NRXN3: variants seen among roughly 807,000 people sequenced by gnomAD.
NRXN3 encodes the protein neurexin 3, also known as neurexin III.
In NRXN3, 32 loss-of-function variants were observed where a neutral mutation model predicts 137.6. That is an observed-to-expected ratio of 0.23 (90% CI 0.18 to 0.31). The LOEUF is 0.31. NRXN3 is among the 10% of genes least tolerant of loss of function. NRXN3 has a pLI of 1.00. For synonymous variants in NRXN3, 798 were observed against 784.5 expected, an observed-to-expected ratio of 1.02 and a Z score of -0.29; for missense variants, 1,574 against 2,062.5, an observed-to-expected ratio of 0.76 and a Z score of 4.59.
At chr14:79,476,964 T>C (rs1600860427) in intron 16 of NRXN3, among the ~76,000 whole-genome samples, 1 of 152,242 alleles carries the variant, frequency 6.6e-6, no homozygotes, top group Admixed American at 6.6e-5. Flanking sequence ...TTCATACTTA[T>C]GAAACAGCAA....
intron 19 of NRXN3, among the ~76,000 whole-genome samples, chr14:79,711,013 A>G (rs1212529977): frequency 6.6e-6 from 1 of 152,238 alleles, no homozygotes; most frequent in South Asian, 2.1e-4. Flanking sequence ...GCAGCCATCT[A>G]TATTTACAGA....
At chr14:78,959,798 A>G (rs2099404526) in intron 11 of NRXN3, among the ~76,000 whole-genome samples, 1 of 152,138 alleles carries the variant, frequency 6.6e-6, no homozygotes, top group African/African-American at 2.4e-5. Context: ...CCTGCAAAGG[A>G]TAAGTCACAC....
intron 4 of NRXN3, among the ~76,000 whole-genome samples, chr14:78,594,061 G>A (rs1489831256): frequency 6.6e-6 from 1 of 152,136 alleles, no homozygotes; most frequent in East Asian, 1.9e-4. Flanking sequence ...CGCAACAAGC[G>A]GCATGTTCCA....
chr14:79,798,262 A>G (rs1445539768), intron 19 of NRXN3, among the ~76,000 whole-genome samples: 3 of 152,208 alleles, frequency 2.0e-5, no homozygotes, highest in Non-Finnish European at 4.4e-5. Context: ...GTTTACTTAG[A>G]GTCAATAGGT....
chr14:78,289,065 C>T (rs1287896350), intron 3 of NRXN3, among the ~76,000 whole-genome samples: 1 of 152,148 alleles, frequency 6.6e-6, no homozygotes, highest in Non-Finnish European at 1.5e-5. Context: ...CTGGGCAACC[C>T]CTATCTTGGA....
At chr14:78,996,293 C>T (rs569447943) in intron 15 of NRXN3, among the ~76,000 whole-genome samples, 1 of 152,236 alleles carries the variant, frequency 6.6e-6, no homozygotes, top group Non-Finnish European at 1.5e-5. Context: ...TATTGTGATA[C>T]CAGTTTCATA....
chr14:79,218,836 G>C lies in NRXN3; in HGVS notation c.3262+230695G>C, dbSNP rs2068996540. Among the ~76,000 whole-genome samples, 3 of 152,090 alleles carry C rather than the reference G, an allele frequency of 2.0e-5. No individual in the cohort carries two copies. The South Asian group carries it at 6.2e-4, about 31-fold the overall frequency. On this transcript the variant is annotated intron_variant, in intron 15 of 20. Coordinates refer to ENST00000335750, the MANE Select transcript of NRXN3 (RefSeq NM_001330195.2). Reference sequence around the variant, plus strand: ...GACTGATTAGGTAAGCCAGGAAGAGGAGTTGGGATTTATTATAAATCTCAT... The same window carrying C: ...GACTGATTAGGTAAGCCAGGAAGAGCAGTTGGGATTTATTATAAATCTCAT...
At chr14:78,917,812 A>G (rs1311972126) in intron 10 of NRXN3, among the ~76,000 whole-genome samples, 1 of 152,182 alleles carries the variant, frequency 6.6e-6, no homozygotes, top group Admixed American at 6.5e-5. Flanking sequence ...GTGAAAACAC[A>G]GATTTGAGGG....
intron 4 of NRXN3, among the ~76,000 whole-genome samples, chr14:78,568,040 G>A (rs562764399): frequency 1.3e-5 from 2 of 152,308 alleles, no homozygotes; most frequent in Non-Finnish European, 2.9e-5. Context: ...CATGGACAGA[G>A]GTTCTGAGGT....
At chr14:78,202,791 G>A (rs2061800736) in intron 1 of NRXN3, among the ~76,000 whole-genome samples, 1 of 152,172 alleles carries the variant, frequency 6.6e-6, no homozygotes, top group Admixed American at 6.5e-5. Context: ...ACCAATTTCC[G>A]AGTACTGTGT....
chr14:79,405,967 T>C (rs1428962806), intron 15 of NRXN3, among the ~76,000 whole-genome samples: 1 of 152,188 alleles, frequency 6.6e-6, no homozygotes, highest in Non-Finnish European at 1.5e-5. Context: ...ATTTAATGAA[T>C]ACCTTCTACA....
chr14:78,779,588 G>A (rs2098761307), intron 8 of NRXN3, among the ~76,000 whole-genome samples: 1 of 152,030 alleles, frequency 6.6e-6, no homozygotes, highest in Non-Finnish European at 1.5e-5. Context: ...TTTATTGGCA[G>A]ACTATTAGAA....
At chr14:78,649,563 CTTT>C (rs11366920) in intron 5 of NRXN3, among the ~76,000 whole-genome samples, 43 of 125,130 alleles carry the variant, frequency 3.4e-4, no homozygotes, top group Non-Finnish European at 5.7e-4. Flanking sequence ...CCAAAAAATG[CTTT>C]TTTTTTTTTT....
At chr14:78,810,235 G>T in intron 9 of NRXN3, 83 bp from the exon 10 acceptor site, 1 of 810,252 alleles carries the variant, frequency 1.2e-6, no homozygotes. Context: ...GTCCCCGGAA[G>T]GGTGGACTGA....
At chr14:78,698,328 A>G (rs929033801) in intron 6 of NRXN3, 6 of 151,978 alleles carry the variant, frequency 3.9e-5, no homozygotes, top group Non-Finnish European at 8.8e-5. Context: ...ATTTTCTATG[A>G]CTCTTTTGTC....
Position 78,370,339 on chromosome 14 carries a change from A to G in NRXN3, c.757+72479A>G, listed in dbSNP as rs541415019. On this transcript the variant is annotated intron_variant, in intron 4 of 20. Coordinates refer to ENST00000335750, the MANE Select transcript of NRXN3 (RefSeq NM_001330195.2). ...TTTTTTTTTTTTTTGAGTGCTGCATACTGTTTCCTCTTGAGATGTCCTTTG... is the reference window on the plus strand; with the variant it reads ...TTTTTTTTTTTTTTGAGTGCTGCATGCTGTTTCCTCTTGAGATGTCCTTTG... Among the ~76,000 whole-genome samples, 21 of 150,266 alleles carry G rather than the reference A, an allele frequency of 1.4e-4. No individual in the cohort carries two copies. The South Asian group carries it at 3.4e-3, about 24-fold the overall frequency.
intron 10 of NRXN3, among the ~76,000 whole-genome samples, chr14:78,857,325 T>C (rs2099060247): frequency 6.6e-6 from 1 of 152,204 alleles, no homozygotes; most frequent in Admixed American, 6.5e-5. Flanking sequence ...GAAAAAATGC[T>C]GCATAAAGCA....
intron 4 of NRXN3, among the ~76,000 whole-genome samples, chr14:78,633,653 A>G (rs1290150972): frequency 6.6e-6 from 1 of 152,196 alleles, no homozygotes; most frequent in Non-Finnish European, 1.5e-5. Flanking sequence ...ATATGTAGCT[A>G]TAAAAGAAGA....
intron 15 of NRXN3, among the ~76,000 whole-genome samples, chr14:79,392,665 G>A (rs1217713906): frequency 6.6e-6 from 1 of 152,080 alleles, no homozygotes; most frequent in Admixed American, 6.5e-5. Flanking sequence ...CAGTTAGGAT[G>A]GGGATCATTA....
Sources: allele counts gnomAD v4.1 joint callset (sites outside exome capture counted in the v4.1 genomes callset), GRCh38; gene constraint gnomAD v4.1.1; transcripts MANE v1.5; gene names NCBI Gene and HGNC (gene_info 2026-07-23, HGNC 2026-07-21).